The following USP22 variants were observed in gnomAD, a reference collection of about 807,000 sequenced individuals.
The protein encoded by USP22 is ubiquitin carboxyl-terminal hydrolase 22.
In USP22, 22 loss-of-function variants were observed where a neutral mutation model predicts 68.1. The observed-to-expected ratio is 0.32, with a 90% CI of 0.23 to 0.46. The LOEUF is 0.46. Among genes scored for constraint, USP22 ranks in the 20% least tolerant of loss-of-function variants. USP22 has a pLI of 1.00. For synonymous variants in USP22, 279 were observed against 274.2 expected (o/e 1.02, Z -0.17); for missense variants, 433 against 695.8 (o/e 0.62, Z 4.25).
intron 1 of USP22, among the ~76,000 whole-genome samples, chr17:21,039,843 T>A (rs181701431): frequency 6.6e-6 from 1 of 152,330 alleles, no homozygotes; most frequent in Non-Finnish European, 1.5e-5. Context: ...GGTTTTGTTG[T>A]CCAGGCTGGA....
chr17:21,009,053 T>C lies in USP22; in HGVS notation c.1104-1057A>G, dbSNP rs1022212801. Among the ~76,000 whole-genome samples the C allele has an allele frequency of 2.3e-5, 3 of 127,762 alleles. No homozygotes were observed. In the South Asian group the frequency reaches 7.8e-4, roughly 33 times the overall value. The allele number at this position is 127,762 out of a possible 152,430, so 83.8% of individuals were successfully genotyped here. A position where few individuals can be genotyped will look rare whatever the true frequency, so the allele number is the denominator to read the frequency against. On this transcript the variant is annotated intron_variant, in intron 8 of 12. Coordinates refer to ENST00000261497, the MANE Select transcript of USP22 (RefSeq NM_015276.2). ...TTGCAGTGAGCCGAGATTGTGCCAC[T>C]GCACTCCAGCCTGGGCAACAAGAGC...
At chr17:21,014,040 C>T (rs1323505217) in intron 6 of USP22, among the ~76,000 whole-genome samples, 1 of 152,224 alleles carries the variant, frequency 6.6e-6, no homozygotes, top group Non-Finnish European at 1.5e-5. Flanking sequence ...CACCACTGCA[C>T]TCCAGCCTGG....
At chr17:21,015,288 G>A (rs148737935) in intron 6 of USP22, among the ~76,000 whole-genome samples, 24 of 152,308 alleles carry the variant, frequency 1.6e-4, no homozygotes, top group South Asian at 6.2e-4. Flanking sequence ...AGCTTTGCTC[G>A]TCCTGTGTCC....
At chr17:21,003,149 A>G in intron 12 of USP22, 76 bp from the exon 13 acceptor site, 2 of 1,554,890 alleles carry the variant, frequency 1.3e-6, no homozygotes, top group African/African-American at 1.4e-5. Flanking sequence ...CCCTACACAA[A>G]AGCCTACGTG....
intron 1 of USP22, among the ~76,000 whole-genome samples, chr17:21,040,904 G>C (rs1458504863): frequency 1.7e-5 from 2 of 117,732 alleles, no homozygotes; most frequent in Admixed American, 8.5e-5. Flanking sequence ...TTTTTTTTCC[G>C]GAGGGGGTCT....
intron 2 of USP22, among the ~76,000 whole-genome samples, chr17:21,025,884 G>C (rs1972213309): frequency 6.6e-6 from 1 of 152,174 alleles, no homozygotes; most frequent in Non-Finnish European, 1.5e-5. Flanking sequence ...TTCCTCTGTG[G>C]TGCAAAAAAG....
chr17:21,022,234 T>C (rs762890893), intron 2 of USP22, among the ~76,000 whole-genome samples: 1 of 152,182 alleles, frequency 6.6e-6, no homozygotes, highest in Admixed American at 6.5e-5. Flanking sequence ...GTCGTTTCCT[T>C]TGGGGAGAAG....
At chr17:21,029,969 C>T (rs554332799) in intron 1 of USP22, among the ~76,000 whole-genome samples, 1 of 152,308 alleles carries the variant, frequency 6.6e-6, no homozygotes, top group East Asian at 1.9e-4. Flanking sequence ...CGAAATGTTG[C>T]TGAATGATTC....
intron 8 of USP22, among the ~76,000 whole-genome samples, chr17:21,010,593 G>A (rs1007687844): frequency 6.6e-6 from 1 of 151,566 alleles, no homozygotes; most frequent in African/African-American, 2.4e-5. Flanking sequence ...GAACCTGAAA[G>A]GCAGAGGCTG....
chr17:21,010,619 G>A (rs1913932838), intron 8 of USP22, among the ~76,000 whole-genome samples: 1 of 146,754 alleles, frequency 6.8e-6, no homozygotes, highest in Non-Finnish European at 1.5e-5. Flanking sequence ...AGCAGAAATC[G>A]CACCACTGCA....
intron 1 of USP22, among the ~76,000 whole-genome samples, chr17:21,040,636 T>C (rs1248116290): frequency 6.6e-6 from 1 of 151,626 alleles, no homozygotes; most frequent in Non-Finnish European, 1.5e-5. Context: ...CTTTAGGAAA[T>C]TAGGCAAAGT....
intron 7 of USP22, 165 bp from the exon 8 acceptor site, chr17:21,011,474 A>C: frequency 2.3e-6 from 2 of 865,986 alleles, no homozygotes; most frequent in East Asian, 2.9e-5. Context: ...CTCACACCCA[A>C]CGTGTCCTGG....
intron 3 of USP22, among the ~76,000 whole-genome samples, chr17:21,019,520 G>C (rs886364093): frequency 7.2e-5 from 11 of 152,236 alleles, no homozygotes; most frequent in Admixed American, 5.9e-4. Context: ...GCACCAATGG[G>C]AACTTACATG....
At chr17:21,039,188 T>G (rs1285460938) in intron 1 of USP22, among the ~76,000 whole-genome samples, 1 of 151,750 alleles carries the variant, frequency 6.6e-6, no homozygotes, top group African/African-American at 2.4e-5. Flanking sequence ...CCTGACCTCG[T>G]GATCCGCCCG....
chr17:21,016,022 T>C, intron 5 of USP22, 123 bp from the exon 6 acceptor site: 2 of 1,267,372 alleles, frequency 1.6e-6, no homozygotes, highest in East Asian at 2.8e-5. Flanking sequence ...ACACAAATGT[T>C]TGGATTTTAC....
chr17:21,003,804 G>C (rs1913678233), intron 12 of USP22, among the ~76,000 whole-genome samples: 1 of 151,762 alleles, frequency 6.6e-6, no homozygotes, highest in South Asian at 2.1e-4. Flanking sequence ...GGAGGCTGAG[G>C]CAGGAGACTG....
chr17:21,010,229 C>T lies in USP22; in HGVS notation c.1103+922G>A, dbSNP rs558289080. Among the ~76,000 whole-genome samples, 131 of 152,290 alleles carry T rather than the reference C, an allele frequency of 8.6e-4. 3 individuals are homozygous for T. The highest frequency in any genetic ancestry group is 3.4e-3 in the Middle Eastern group (1 of 294). Reference sequence around the variant, plus strand: ...TGCAGCCAGACAGAAACCAAAGGCTCGTACCTCTTCTAAGGGATACTTCCA... The same window carrying T: ...TGCAGCCAGACAGAAACCAAAGGCTTGTACCTCTTCTAAGGGATACTTCCA... On this transcript the variant is annotated intron_variant, in intron 8 of 12. Transcript: ENST00000261497.
At chr17:21,038,902 A>G (rs952477367) in intron 1 of USP22, among the ~76,000 whole-genome samples, 1 of 152,140 alleles carries the variant, frequency 6.6e-6, no homozygotes, top group African/African-American at 2.4e-5. Context: ...CACACACCAA[A>G]AACACAAAGG....
intron 9 of USP22, 110 bp downstream of exon 9, chr17:21,007,760 C>G: frequency 1.5e-6 from 2 of 1,375,740 alleles, no homozygotes; most frequent in Non-Finnish European, 2.0e-6. Context: ...GTTCTTCCTG[C>G]TTGCTGCAAT....
Sources: allele counts gnomAD v4.1 joint callset (sites outside exome capture counted in the v4.1 genomes callset), GRCh38; gene constraint gnomAD v4.1.1; transcripts MANE v1.5; gene names NCBI Gene and HGNC (gene_info 2026-07-23, HGNC 2026-07-21).